The following LMO1 variants were observed in gnomAD, a reference collection of about 807,000 sequenced individuals.
The protein encoded by LMO1 is rhombotin-1.
Under a neutral mutation model 18.0 loss-of-function variants are expected in LMO1, and 10 were observed. That is an observed-to-expected ratio of 0.55 (90% confidence interval 0.34 to 0.94). The LOEUF is 0.94. LMO1 is among the 40% of genes least tolerant of loss of function. LMO1 has a pLI of 0.02. For missense variants in LMO1, 183 were observed against 205.7 expected (o/e 0.89, Z 0.68); for synonymous variants, 77 against 77.9 (o/e 0.99, Z 0.06).
intron 1 of LMO1, among the ~76,000 whole-genome samples, chr11:8,239,949 C>T (rs1329819215): frequency 6.6e-6 from 1 of 152,222 alleles, no homozygotes; most frequent in East Asian, 1.9e-4. Context: ...TGTCATGACC[C>T]TGAGTGCAGA....
intron 1 of LMO1, among the ~76,000 whole-genome samples, chr11:8,254,082 ATGAGAGGAAAATTATACTG>A (rs1847049532): frequency 6.6e-6 from 1 of 152,352 alleles, no homozygotes; most frequent in African/African-American, 2.4e-5. Flanking sequence ...ATAGCGGCGT[ATGAGAGGAAAATTATACTG>A]TGAGAGGAAA....
chr11:8,263,693 C>T lies in LMO1; in HGVS notation c.-331G>A. 8.0e-7 allele frequency: 1 copy of T among 1,247,768 alleles called. No individual in the cohort carries two copies. The highest frequency in any genetic ancestry group is 1.0e-6 in the Non-Finnish European group (1 of 995,022). The allele number at this position is 1,247,768 out of a possible 1,614,324, so 77.3% of individuals were successfully genotyped here. A position where few individuals can be genotyped will look rare whatever the true frequency, so the allele number is the denominator to read the frequency against. ...TCACCTTCTAAATGGCTCAATTTGC[C>T]CAGTATAATCTGTCTTAATGTAATT... On this transcript the variant is annotated 5_prime_UTR_variant, in exon 1 of 4. Transcript: ENST00000335790.
chr11:8,263,949 G>C (rs1847233744), upstream of LMO1: 1 of 877,654 alleles, frequency 1.1e-6, no homozygotes, highest in East Asian at 7.1e-5. Context: ...GGTTAATGGG[G>C]AGTGGAGACG....
rs555685110 is a variant in LMO1 at position 8,248,662 on chromosome 11, C to T, written c.25+14676G>A. Among the ~76,000 whole-genome samples, 38 of 152,352 alleles carry T rather than the reference C, an allele frequency of 2.5e-4. No individual in the cohort carries two copies. The South Asian group carries it at 7.9e-3, about 32-fold the overall frequency. On this transcript the variant is annotated intron_variant, in intron 1 of 3. Transcript: ENST00000335790. ...AGGGTAGGGAGACCGTGAGCCACGC[C>T]TCTTTCCCAGAATCAGCAGCTTTCA...
Position 8,224,846 on chromosome 11 carries a change from C to A in LMO1, c.366-125G>T, listed in dbSNP as rs1230023893. 13 of 673,074 alleles carry A rather than the reference C, an allele frequency of 1.9e-5. No individual in the cohort carries two copies. The Admixed American group carries it at 2.8e-4, about 15-fold the overall frequency. 41.7% of individuals were successfully genotyped at this position (673,074 alleles called of 1,614,324 possible). On this transcript the variant is annotated intron_variant, in intron 3 of 3. Coordinates refer to ENST00000335790, the MANE Select transcript of LMO1 (RefSeq NM_002315.3). ...TGGGAGGTGGTGGGGGGAGTTTGTT[C>A]CTTGAACCTTCCAGAGGGAACTGCC... is the stretch of plus-strand genomic sequence containing the variant.
At chr11:8,263,950 A>T, upstream of LMO1, 1 of 875,316 alleles carries the variant, frequency 1.1e-6, no homozygotes, top group South Asian at 5.3e-5. Context: ...GTTAATGGGG[A>T]GTGGAGACGC....
chr11:8,255,544 C>A (rs1847076931), intron 1 of LMO1, among the ~76,000 whole-genome samples: 2 of 152,144 alleles, frequency 1.3e-5, no homozygotes, highest in Admixed American at 1.3e-4. Flanking sequence ...CCGGACCGGT[C>A]TCTGCCATAA....
chr11:8,244,259 G>A (rs1181600421), intron 1 of LMO1, among the ~76,000 whole-genome samples: 1 of 152,220 alleles, frequency 6.6e-6, no homozygotes, highest in African/African-American at 2.4e-5. Flanking sequence ...GGAGTGGGCT[G>A]CTGGCTTTGC....
In LMO1 at chr11:8,263,484, C is replaced by A; in HGVS notation, c.-122G>T. The A allele has an allele frequency of 6.6e-7, 1 of 1,509,946 alleles. No individual in the cohort carries two copies. Among genetic ancestry groups the A allele is most frequent in the Non-Finnish European group, 8.8e-7 (1 of 1,136,750 alleles). 93.5% of individuals were successfully genotyped at this position (1,509,946 alleles called of 1,614,324 possible). A position where few individuals can be genotyped will look rare whatever the true frequency, so the allele number is the denominator to read the frequency against. ...AGCGGGCTCTAATTACCCGCTTGTC[C>A]GGCTCTTAACCTAGATTGCACTCAG... On this transcript the variant is annotated 5_prime_UTR_variant, in exon 1 of 4. Coordinates refer to ENST00000335790, the MANE Select transcript of LMO1 (RefSeq NM_002315.3).
At chr11:8,253,921 C>T (rs1016074458) in intron 1 of LMO1, among the ~76,000 whole-genome samples, 2 of 151,982 alleles carry the variant, frequency 1.3e-5, no homozygotes, top group African/African-American at 4.8e-5. Context: ...CAGTGAGGGC[C>T]GACAGAATGC....
At chr11:8,251,405 G>A (rs1423265407) in intron 1 of LMO1, among the ~76,000 whole-genome samples, 6 of 152,174 alleles carry the variant, frequency 3.9e-5, no homozygotes, top group Admixed American at 1.3e-4. Flanking sequence ...CCTTTACCCA[G>A]CCTGCCTCAA....
Position 8,226,236 on chromosome 11 carries a change from T to C in LMO1, c.365+739A>G, listed in dbSNP as rs373343479. Among the ~76,000 whole-genome samples the C allele has an allele frequency of 1.8e-4, 28 of 152,276 alleles. No homozygotes were observed. In the South Asian group the frequency reaches 2.5e-3, roughly 14 times the overall value. On this transcript the variant is annotated intron_variant, in intron 3 of 3. Transcript: ENST00000335790. ...CAGGCTGGGCGCGGTGGCTCACACCTGTAATCCCAGCAATCTGGGAGGCTG... is the reference window on the plus strand; with the variant it reads ...CAGGCTGGGCGCGGTGGCTCACACCCGTAATCCCAGCAATCTGGGAGGCTG...
At chr11:8,227,323 G>A (rs1198998393) in intron 2 of LMO1, among the ~76,000 whole-genome samples, 1 of 152,230 alleles carries the variant, frequency 6.6e-6, no homozygotes, top group African/African-American at 2.4e-5. Context: ...GGGTGTGTAG[G>A]GGGTCAGGAG....
intron 1 of LMO1, among the ~76,000 whole-genome samples, chr11:8,246,608 T>C (rs1474465614): frequency 1.3e-5 from 2 of 152,246 alleles, no homozygotes; most frequent in Non-Finnish European, 2.9e-5. Context: ...TAGATAATGG[T>C]GATGACTGCA....
At chr11:8,250,935 C>T (rs145505783) in intron 1 of LMO1, among the ~76,000 whole-genome samples, 227 of 152,310 alleles carry the variant, frequency 1.5e-3, no homozygotes, top group African/African-American at 5.3e-3. Context: ...CCTCTACCTC[C>T]TAATTGAGAC....
At chr11:8,266,674 G>A (rs994613161), upstream of LMO1, among the ~76,000 whole-genome samples, 9 of 152,358 alleles carry the variant, frequency 5.9e-5, no homozygotes, top group South Asian at 8.3e-4. Flanking sequence ...CCACCTGGCA[G>A]GAAAGTCCCG....
At position 8,243,291 on chromosome 11, in the gene LMO1, G is replaced by T. The variant is rs936326704; in HGVS notation, c.26-12787C>A. On this transcript the variant is annotated intron_variant, in intron 1 of 3. Transcript: ENST00000335790. ...GAGCCAGATTTCCCTTCAGCCCCCC[G>T]CATGGCTGAGGAGGTTCAGGGAGCA... is the stretch of plus-strand genomic sequence containing the variant. Among the ~76,000 whole-genome samples the T allele has an allele frequency of 3.9e-5, 6 of 152,278 alleles. No individual in the cohort carries two copies. In the East Asian group the frequency reaches 9.7e-4, roughly 25 times the overall value.
At chr11:8,248,369 C>G (rs1846931002) in intron 1 of LMO1, among the ~76,000 whole-genome samples, 1 of 152,088 alleles carries the variant, frequency 6.6e-6, no homozygotes, top group Non-Finnish European at 1.5e-5. Flanking sequence ...GAGTGTGTGC[C>G]CTTGAGACAG....
chr11:8,266,471 C>T (rs950417395), upstream of LMO1, among the ~76,000 whole-genome samples: 4 of 152,152 alleles, frequency 2.6e-5, no homozygotes, highest in African/African-American at 9.7e-5. Context: ...GGTAGTTTTC[C>T]CCCAACACAT....
Sources: allele counts gnomAD v4.1 joint callset (sites outside exome capture counted in the v4.1 genomes callset), GRCh38; gene constraint gnomAD v4.1.1; transcripts MANE v1.5; gene names NCBI Gene and HGNC (gene_info 2026-07-23, HGNC 2026-07-21).